DSC3: variants seen among roughly 807,000 people sequenced by gnomAD.
DSC3 encodes the protein desmocollin 3.
Under a neutral mutation model 89.5 loss-of-function variants are expected in DSC3, and 97 were observed. That is an observed-to-expected ratio of 1.08 (90% CI 0.92 to 1.28). DSC3 has a LOEUF of 1.28. DSC3 is among the 50% of genes most tolerant of loss of function. The probability of loss-of-function intolerance (pLI) is 0.00; values close to 1 mark genes in which losing one functional copy is unlikely to be tolerated. For synonymous variants in DSC3, 436 were observed against 384.1 expected (o/e 1.14, Z -1.58); for missense variants, 1,199 against 1,085.3 (o/e 1.10, Z -1.47).
chr18:30,997,938 G>A (rs1196519956), intron 14 of DSC3, among the ~76,000 whole-genome samples: 1 of 152,124 alleles, frequency 6.6e-6, no homozygotes, highest in Non-Finnish European at 1.5e-5. Context: ...GTTGAGAACA[G>A]CTACCACATA....
At chr18:31,025,621 T>C (rs1985570557) in intron 5 of DSC3, 139 bp downstream of exon 5, 6 of 914,500 alleles carry the variant, frequency 6.6e-6, no homozygotes, top group East Asian at 2.6e-5. Context: ...TTCCAAAATG[T>C]TGCACATTCT....
Position 31,032,238 on chromosome 18 carries a change from TATC to T in DSC3, c.105_107del (p.Ile36del). The T allele has an allele frequency of 6.2e-7, 1 of 1,613,792 alleles. No individual in the cohort carries two copies. Among genetic ancestry groups the T allele is most frequent in the Non-Finnish European group, 8.5e-7 (1 of 1,179,752 alleles). On this transcript the variant is annotated inframe_deletion, in exon 2 of 16. Transcript: ENST00000360428. ...CCTCTAGTTTAGAAGGTACATTAAG[TATC>T]ACCTTTTTGCAGGCTTCACCAGCAC...
intron 1 of DSC3, among the ~76,000 whole-genome samples, chr18:31,035,443 T>C (rs1274929848): frequency 6.6e-6 from 1 of 151,848 alleles, no homozygotes; most frequent in Non-Finnish European, 1.5e-5. Context: ...TAATAAGTCA[T>C]TTGCCCTTTA....
intron 14 of DSC3, among the ~76,000 whole-genome samples, chr18:30,999,225 AT>A (rs1300409651): frequency 6.6e-6 from 1 of 152,040 alleles, no homozygotes; most frequent in African/African-American, 2.4e-5. Context: ...ATCAATTTAA[AT>A]TTTTTTCTAC....
intron 9 of DSC3, among the ~76,000 whole-genome samples, chr18:31,011,400 A>T (rs531134581): frequency 9.8e-4 from 149 of 152,340 alleles, no homozygotes; most frequent in African/African-American, 3.5e-3. Context: ...TATTCAGCTA[A>T]AAGTATACCA....
intron 4 of DSC3, among the ~76,000 whole-genome samples, chr18:31,026,183 G>A (rs905616811): frequency 6.6e-6 from 1 of 152,074 alleles, no homozygotes; most frequent in Non-Finnish European, 1.5e-5. Context: ...GATCTTTCTG[G>A]CAGAGAAAAT....
chr18:30,992,175 A>AAGG lies in DSC3; in HGVS notation c.*1999_*2000insCCT, dbSNP rs1984282752. The AAGG allele has an allele frequency of 2.3e-5, 2 of 85,608 alleles. No individual in the cohort carries two copies. Among genetic ancestry groups the AAGG allele is most frequent in the Non-Finnish European group, 4.8e-5 (2 of 41,898 alleles). The allele number at this position is 85,608 out of a possible 1,614,324, so 5.3% of individuals were successfully genotyped here. A position where few individuals can be genotyped will look rare whatever the true frequency, so the allele number is the denominator to read the frequency against. On this transcript the variant is annotated 3_prime_UTR_variant, in exon 16 of 16. Coordinates refer to ENST00000360428, the MANE Select transcript of DSC3 (RefSeq NM_001941.5). ...AGCGAGACTCCGTCTCAAAAAAAAA[A>AAGG]GGGGGGGGGGGGGGCAATAAAAAGT...
intron 1 of DSC3, among the ~76,000 whole-genome samples, chr18:31,035,830 G>A (rs961689382): frequency 3.3e-5 from 5 of 152,064 alleles, no homozygotes; most frequent in Non-Finnish European, 5.9e-5. Flanking sequence ...AGAGTTTTCA[G>A]AAGTTAGAAT....
chr18:31,006,865 T>C (rs774217282), intron 12 of DSC3, 42 bp downstream of exon 12: 6 of 1,448,442 alleles, frequency 4.1e-6, no homozygotes, highest in Admixed American at 1.8e-5. Context: ...CCAGTTATTC[T>C]GTTATTTCAG....
intron 7 of DSC3, among the ~76,000 whole-genome samples, chr18:31,019,215 G>A (rs980708328): frequency 2.6e-5 from 4 of 152,068 alleles, no homozygotes; most frequent in Non-Finnish European, 5.9e-5. Context: ...TCTTGCCTCA[G>A]CCTCCCTAGT....
intron 1 of DSC3, among the ~76,000 whole-genome samples, chr18:31,040,315 A>G (rs1311085128): frequency 1.3e-5 from 2 of 152,112 alleles, no homozygotes; most frequent in African/African-American, 2.4e-5. Flanking sequence ...GTATTAACAC[A>G]TATTTTTAAA....
rs9304076 is a variant in DSC3, at chr18:30,992,175, A to AGGGGGG, written c.*1994_*1999dup. 4.7e-5 allele frequency: 4 copies of AGGGGGG among 85,606 alleles called. No homozygotes were observed. The highest frequency in any genetic ancestry group is 9.5e-5 in the Non-Finnish European group (4 of 41,896). 5.3% of individuals were successfully genotyped at this position (85,606 alleles called of 1,614,324 possible). A position where few individuals can be genotyped will look rare whatever the true frequency, so the allele number is the denominator to read the frequency against. On this transcript the variant is annotated 3_prime_UTR_variant, in exon 16 of 16. Transcript: ENST00000360428. ...AGCGAGACTCCGTCTCAAAAAAAAA[A>AGGGGGG]GGGGGGGGGGGGGGCAATAAAAAGT...
chr18:31,029,716 CCTT>C, intron 3 of DSC3, 88 bp from the exon 4 acceptor site: 1 of 1,550,284 alleles, frequency 6.5e-7, no homozygotes, highest in Non-Finnish European at 8.9e-7. Context: ...TAAACCTAAT[CCTT>C]CTTTGGAGTT....
chr18:31,009,053 A>C (rs932143120), intron 9 of DSC3, among the ~76,000 whole-genome samples: 50 of 151,982 alleles, frequency 3.3e-4, no homozygotes, highest in African/African-American at 1.1e-3. Flanking sequence ...ATTTTCTTTT[A>C]TTTTATTTTT....
chr18:31,007,096 T>G lies in DSC3; in HGVS notation c.1699A>C (p.Ile567Leu). The G allele has an allele frequency of 6.2e-7, 1 of 1,613,896 alleles. No homozygotes were observed. The highest frequency in any genetic ancestry group is 8.5e-7 in the Non-Finnish European group (1 of 1,179,854). Residue 567 changes from isoleucine (I) to leucine (L), a missense_variant, in exon 12 of 16, where the codon ATT (isoleucine) becomes CTT (leucine). Coordinates refer to ENST00000360428, the MANE Select transcript of DSC3 (RefSeq NM_001941.5). ...RSCTGTLAVN[I>L]EDVNDNPPEI... The stretch of plus-strand genomic sequence containing the variant: ...GGTGGATTATCATTTACATCTTCAA[T>G]GTTCACAGCAAGTGTTCCAGTACAT...
At chr18:31,016,019 G>A (rs1456309742) in intron 9 of DSC3, among the ~76,000 whole-genome samples, 1 of 152,140 alleles carries the variant, frequency 6.6e-6, no homozygotes, top group East Asian at 1.9e-4. Context: ...TAATGCATTA[G>A]CATGCTAAAA....
chr18:31,033,566 G>C (rs899377813), intron 1 of DSC3, among the ~76,000 whole-genome samples: 1 of 152,066 alleles, frequency 6.6e-6, no homozygotes, highest in East Asian at 1.9e-4. Flanking sequence ...GAATTTGAAC[G>C]CCTACCTCAA....
Position 31,018,703 on chromosome 18 carries a change from T to C in DSC3, c.1040A>G (p.Asp347Gly). The change falls in exon 8 of 16, where the codon GAT (aspartate) becomes GGT (glycine). Residue 347 changes from aspartate to glycine, a missense_variant. By Grantham distance (94) the Asp-to-Gly change is moderately conservative. Coordinates refer to ENST00000360428, the MANE Select transcript of DSC3 (RefSeq NM_001941.5). Reference protein sequence around the residue: ...GTSTCIITVTDSNDNAPTFRQ... With the variant: ...GTSTCIITVTGSNDNAPTFRQ... The stretch of plus-strand genomic sequence containing the variant: ...GAAAGTGGGTGCATTATCATTTGAA[T>C]CTGTTACTGTTATGATACAAGTTGA... 1 of 1,613,652 alleles carries C rather than the reference T, an allele frequency of 6.2e-7. No individual in the cohort carries two copies. The highest frequency in any genetic ancestry group is 8.5e-7 in the Non-Finnish European group (1 of 1,179,902).
chr18:31,018,280 A>C (rs1294140092), intron 8 of DSC3, 24 bp from the exon 9 acceptor site: 1 of 1,586,236 alleles, frequency 6.3e-7, no homozygotes, highest in Non-Finnish European at 8.6e-7. Flanking sequence ...AAGTCATTGA[A>C]AATTGAAATT....
Sources: allele counts gnomAD v4.1 joint callset (sites outside exome capture counted in the v4.1 genomes callset), GRCh38; gene constraint gnomAD v4.1.1; transcripts MANE v1.5; gene names NCBI Gene and HGNC (gene_info 2026-07-23, HGNC 2026-07-21).